EDA: variants seen among roughly 807,000 people sequenced by gnomAD.
EDA encodes ectodysplasin-A.
EDA carries 2 observed loss-of-function variants against 23.6 expected under a neutral mutation model. The observed-to-expected ratio is 0.08, with a 90% CI of 0.03 to 0.27. The LOEUF is 0.27. EDA is among the 10% of genes least tolerant of loss of function. The pLI is 1.00. For missense variants in EDA, 229 were observed against 324.2 expected, an observed-to-expected ratio of 0.71 and a Z score of 2.26; for synonymous variants, 131 against 132.0, an observed-to-expected ratio of 0.99 and a Z score of 0.05.
chrX:69,621,430 A>G (rs749792760), intron 1 of EDA, among the ~76,000 whole-genome samples: 3 of 112,123 alleles, frequency 2.7e-5, no homozygotes, highest in Non-Finnish European at 3.8e-5. Flanking sequence ...TACAAAGTGA[A>G]TATACTCACG....
chrX:69,697,602 T>G (rs2011392736), intron 1 of EDA, among the ~76,000 whole-genome samples: 1 of 111,915 alleles, frequency 8.9e-6, no homozygotes, highest in Admixed American at 9.4e-5. Flanking sequence ...TCATCTGGAT[T>G]GTCTGGTGGT....
At chrX:69,682,329 T>G (rs1222182502) in intron 1 of EDA, among the ~76,000 whole-genome samples, 2 of 112,667 alleles carry the variant, frequency 1.8e-5, no homozygotes, top group African/African-American at 6.4e-5. Flanking sequence ...CAGGCCTCCT[T>G]GAGCTGTGGT....
At chrX:70,007,750 C>T (rs2019822646) in intron 2 of EDA, among the ~76,000 whole-genome samples, 1 of 111,439 alleles carries the variant, frequency 9.0e-6, no homozygotes, top group South Asian at 3.8e-4. Context: ...GATAGGAAGA[C>T]ACAACATTAT....
chrX:69,639,703 T>C (rs1932819160), intron 1 of EDA, among the ~76,000 whole-genome samples: 1 of 112,068 alleles, frequency 8.9e-6, no homozygotes, highest in Non-Finnish European at 1.9e-5. Flanking sequence ...TTTTCTCCCA[T>C]TTTGTGGATT....
chrX:69,711,782 G>C (rs1252379197), intron 1 of EDA, among the ~76,000 whole-genome samples: 3 of 111,825 alleles, frequency 2.7e-5, no homozygotes, highest in Non-Finnish European at 5.6e-5. Flanking sequence ...TATTTGCGTA[G>C]AGGTGTTTAT....
intron 1 of EDA, among the ~76,000 whole-genome samples, chrX:69,790,708 A>G (rs2015379672): frequency 9.0e-6 from 1 of 111,573 alleles, no homozygotes; most frequent in Non-Finnish European, 1.9e-5. Flanking sequence ...ATCTTCTTGG[A>G]GCAAGTAGAG....
rs1189179243 is a variant in EDA, at chrX:69,764,234, C to CTTTTT, written c.396+147552_396+147556dup. On this transcript the variant is annotated intron_variant, in intron 1 of 7. Coordinates refer to ENST00000374552, the MANE Select transcript of EDA (RefSeq NM_001399.5). ...CTACCACTCCCATTCATTTTTTATT[C>CTTTTT]TTTTTTTTTTTTTTTTTTTTTTTTT... is the stretch of plus-strand genomic sequence containing the variant. Among the ~76,000 whole-genome samples the CTTTTT allele has an allele frequency of 2.5e-3, 112 of 44,544 alleles. 24 individuals are homozygous for CTTTTT. Among genetic ancestry groups the CTTTTT allele is most frequent in the African/African-American group, 7.4e-3 (75 of 10,146 alleles). 38.7% of individuals were successfully genotyped at this position (44,544 alleles called of 115,157 possible).
At chrX:69,919,966 G>T (rs1273937687) in intron 1 of EDA, among the ~76,000 whole-genome samples, 1 of 111,242 alleles carries the variant, frequency 9.0e-6, no homozygotes, top group Non-Finnish European at 1.9e-5. Flanking sequence ...CCAGAGCATT[G>T]CTATTTAACT....
chrX:69,832,901 C>G (rs1462916549), intron 1 of EDA, among the ~76,000 whole-genome samples: 2 of 111,860 alleles, frequency 1.8e-5, no homozygotes, highest in Admixed American at 1.9e-4. Context: ...TATCCTGAGA[C>G]TTTGCTGAAG....
At chrX:69,632,671 A>G (rs756785323) in intron 1 of EDA, among the ~76,000 whole-genome samples, 18 of 111,936 alleles carry the variant, frequency 1.6e-4, no homozygotes, top group Non-Finnish European at 1.9e-5. Flanking sequence ...ACTGAAAACA[A>G]TCAAGACTAT....
At chrX:69,874,739 A>G (rs1320930352) in intron 1 of EDA, among the ~76,000 whole-genome samples, 1 of 111,678 alleles carries the variant, frequency 9.0e-6, no homozygotes, top group Non-Finnish European at 1.9e-5. Flanking sequence ...AGAAAACCCT[A>G]AAGACTCATC....
chrX:69,919,003 C>A (rs920371520), intron 1 of EDA, among the ~76,000 whole-genome samples: 104 of 107,439 alleles, frequency 9.7e-4, no homozygotes, highest in Middle Eastern at 4.8e-3. Flanking sequence ...AAAAAAAAAA[C>A]TCTTGGGTGC....
intron 1 of EDA, among the ~76,000 whole-genome samples, chrX:69,826,130 A>G (rs776781407): frequency 7.9e-4 from 88 of 111,195 alleles, no homozygotes; most frequent in African/African-American, 2.7e-3. Context: ...TATGTGGTCA[A>G]TTTTGGAATA....
At chrX:69,723,287 A>C (rs1247469357) in intron 1 of EDA, among the ~76,000 whole-genome samples, 1 of 111,963 alleles carries the variant, frequency 8.9e-6, no homozygotes, top group African/African-American at 3.2e-5. Context: ...CAAAATACTT[A>C]CCTTGTGTGG....
At chrX:69,730,691 C>T (rs751297142) in intron 1 of EDA, among the ~76,000 whole-genome samples, 8 of 111,722 alleles carry the variant, frequency 7.2e-5, no homozygotes, top group East Asian at 2.8e-4. Flanking sequence ...GCTTAAAATG[C>T]GTGTGTTTGA....
chrX:69,917,762 A>C (rs2147661318), intron 1 of EDA, among the ~76,000 whole-genome samples: 1 of 111,443 alleles, frequency 9.0e-6, no homozygotes, highest in Admixed American at 9.6e-5. Context: ...TAATAATAAT[A>C]TTGTTAATAT....
intron 1 of EDA, among the ~76,000 whole-genome samples, chrX:69,900,860 A>G (rs1268290659): frequency 1.8e-5 from 2 of 111,284 alleles, no homozygotes; most frequent in Non-Finnish European, 1.9e-5. Context: ...AGAGTAAGAA[A>G]TGAATTCTCA....
intron 1 of EDA, among the ~76,000 whole-genome samples, chrX:69,785,358 C>G (rs1173597010): frequency 2.4e-5 from 2 of 82,921 alleles, no homozygotes; most frequent in Non-Finnish European, 5.4e-5. Flanking sequence ...AGAGGGCATC[C>G]CTGTCTTGTG....
At chrX:69,766,443 TC>T (rs1301800246) in intron 1 of EDA, among the ~76,000 whole-genome samples, 2 of 111,074 alleles carry the variant, frequency 1.8e-5, no homozygotes, top group African/African-American at 6.5e-5. Context: ...CACCCTTCAC[TC>T]TCAAGTAGGT....
Sources: gnomAD v4.1 joint callset for allele counts (sites outside exome capture counted in the v4.1 genomes callset) on GRCh38, gnomAD v4.1.1 for gene constraint, MANE v1.5 for transcripts, NCBI Gene and HGNC (gene_info 2026-07-23, HGNC 2026-07-21) for gene names.